The following WNT3A variants were observed in gnomAD, a reference collection of about 807,000 sequenced individuals.
The protein encoded by WNT3A is Wnt family member 3A.
In WNT3A, 17 loss-of-function variants were observed where a neutral mutation model predicts 37.0. The ratio of observed to expected loss-of-function variants is 0.46; its 90% CI spans 0.31 to 0.69. WNT3A has a LOEUF of 0.69. Ranked by LOEUF, WNT3A falls within the 30% of genes least tolerant of loss-of-function variation. WNT3A has a pLI of 0.05. For synonymous variants in WNT3A, 187 were observed against 211.0 expected, an observed-to-expected ratio of 0.89 and a Z score of 0.99; for missense variants, 411 against 510.2, an observed-to-expected ratio of 0.81 and a Z score of 1.87.
chr1:228,060,193 C>G lies in WNT3A; in HGVS notation c.*728C>G. ...AACCGCCCTCCTGATTAAGGCGTGG[C>G]TTCTGCAGGAATCCCGGCTCCAGAG... is the stretch of plus-strand genomic sequence containing the variant. On this transcript the variant is annotated 3_prime_UTR_variant, in exon 4 of 4. Transcript: ENST00000284523. 7.4e-7 allele frequency: 1 copy of G among 1,351,710 alleles called. No individual in the cohort carries two copies. Among genetic ancestry groups the G allele is most frequent in the African/African-American group, 1.5e-5 (1 of 67,818 alleles). 83.7% of individuals were successfully genotyped at this position (1,351,710 alleles called of 1,614,324 possible).
intron 1 of WNT3A, among the ~76,000 whole-genome samples, chr1:228,021,525 G>A (rs758745924): frequency 4.6e-5 from 7 of 152,220 alleles, no homozygotes; most frequent in South Asian, 4.2e-4. Context: ...CCATGCCTTC[G>A]GGTTTCTGAG....
intron 2 of WNT3A, among the ~76,000 whole-genome samples, chr1:228,041,269 C>G (rs1363162387): frequency 6.6e-6 from 1 of 152,170 alleles, no homozygotes; most frequent in Non-Finnish European, 1.5e-5. Context: ...CATCTGACAA[C>G]TGCACTGCCC....
Position 228,043,013 on chromosome 1 carries a change from AGATG to A in WNT3A, c.314-7618_314-7615del, listed in dbSNP as rs537700236. Reference sequence around the variant, plus strand: ...AGAGGATGTATGATAGGTAATGGATAGATGGATGGATGGATGGATGGATGGATGA... The same window carrying A: ...AGAGGATGTATGATAGGTAATGGATAGATGGATGGATGGATGGATGGATGA... On this transcript the variant is annotated intron_variant, in intron 2 of 3. Transcript: ENST00000284523. Among the ~76,000 whole-genome samples, 943 of 149,728 alleles carry A rather than the reference AGATG, an allele frequency of 6.3e-3. 11 individuals carry two copies. The highest frequency in any genetic ancestry group is 0.022 in the African/African-American group (876 of 40,594).
At chr1:228,012,444 A>G (rs892007904) in intron 1 of WNT3A, among the ~76,000 whole-genome samples, 1 of 152,230 alleles carries the variant, frequency 6.6e-6, no homozygotes, top group Non-Finnish European at 1.5e-5. Flanking sequence ...AATAATGGAA[A>G]TTTAAAAACA....
chr1:228,060,391 G>T lies in WNT3A; in HGVS notation c.*926G>T. 9.6e-7 allele frequency: 1 copy of T among 1,038,126 alleles called. No homozygotes were observed. Among genetic ancestry groups the T allele is most frequent in the Non-Finnish European group, 1.3e-6 (1 of 756,822 alleles). The allele number at this position is 1,038,126 out of a possible 1,614,324, so 64.3% of individuals were successfully genotyped here. A position where few individuals can be genotyped will look rare whatever the true frequency, so the allele number is the denominator to read the frequency against. ...TTTGGAATGCTCCAGGCGCGCCGAC[G>T]CCTGTGCCACCCCTTCCTCAGCCTG... On this transcript the variant is annotated 3_prime_UTR_variant, in exon 4 of 4. Transcript: ENST00000284523.
chr1:228,009,845 C>G (rs1361937165), intron 1 of WNT3A, among the ~76,000 whole-genome samples: 1 of 152,192 alleles, frequency 6.6e-6, no homozygotes, highest in Non-Finnish European at 1.5e-5. Context: ...GGCTGGGTGG[C>G]CCAGAGGTGT....
At position 228,031,958 on chromosome 1, in the gene WNT3A, G is replaced by T. The variant is rs2031021262; in HGVS notation, c.313+9050G>T. On this transcript the variant is annotated intron_variant, in intron 2 of 3. Coordinates refer to ENST00000284523, the MANE Select transcript of WNT3A (RefSeq NM_033131.4). This position sits in a 1 kb window ranked among gnomAD's most constrained non-coding sequence, Gnocchi z 4.8. ...ATTTTAGGAAGAAAGCAGGAAGCCT[G>T]TCCTGCTTGGAGCCATACCAGGTGA... 6.6e-6 allele frequency among the ~76,000 whole-genome samples: 1 copy of T among 152,192 alleles called. No individual in the cohort carries two copies. The highest frequency in any genetic ancestry group is 2.4e-5 in the African/African-American group (1 of 41,436).
chr1:228,059,277 G>T lies in WNT3A; in HGVS notation c.871G>T (p.Gly291Cys). Residue 291 changes from glycine (G) to cysteine (C), a missense_variant, in exon 4 of 4, where the codon GGC (glycine) becomes TGC (cysteine). Coordinates refer to ENST00000284523, the MANE Select transcript of WNT3A (RefSeq NM_033131.4). Reference protein sequence around the residue: ...CEPNPETGSFGTRDRTCNVSS... With the variant: ...CEPNPETGSFCTRDRTCNVSS... ...GCCCAACCCTGAGACGGGCTCCTTC[G>T]GCACGCGCGACCGCACCTGCAACGT... 5 of 1,597,176 alleles carry T rather than the reference G, an allele frequency of 3.1e-6. No homozygotes were observed. Among genetic ancestry groups the T allele is most frequent in the Non-Finnish European group, 4.3e-6 (5 of 1,175,470 alleles).
chr1:228,020,281 G>A (rs1024918891), intron 1 of WNT3A, among the ~76,000 whole-genome samples: 2 of 152,218 alleles, frequency 1.3e-5, no homozygotes, highest in African/African-American at 4.8e-5. Flanking sequence ...TTGGTCTCCC[G>A]GCCTCACCCA....
intron 1 of WNT3A, among the ~76,000 whole-genome samples, chr1:228,016,597 A>T (rs1311174428): frequency 1.3e-5 from 2 of 152,154 alleles, no homozygotes; most frequent in Non-Finnish European, 2.9e-5. Flanking sequence ...TCTCTGACTC[A>T]TTTATAAATG....
Position 228,059,609 on chromosome 1 carries a change from G to A in WNT3A, c.*144G>A, listed in dbSNP as rs967580522. The A allele has an allele frequency of 2.4e-5, 34 of 1,390,122 alleles. No homozygotes were observed. Among genetic ancestry groups the A allele is most frequent in the Non-Finnish European group, 3.1e-5 (34 of 1,080,114 alleles). 86.1% of individuals were successfully genotyped at this position (1,390,122 alleles called of 1,614,324 possible). On this transcript the variant is annotated 3_prime_UTR_variant, in exon 4 of 4. Transcript: ENST00000284523. ...CCCTGGGGGTGGGGCTCCTACCTGG[G>A]GGCAGAACTCCTACCTGAAGGCAGG...
intron 1 of WNT3A, among the ~76,000 whole-genome samples, chr1:228,009,986 C>T (rs886118527): frequency 6.6e-5 from 10 of 152,290 alleles, no homozygotes; most frequent in Non-Finnish European, 2.9e-5. Flanking sequence ...CTGAGCTCAT[C>T]CAGTGACAGA....
intron 2 of WNT3A, among the ~76,000 whole-genome samples, chr1:228,033,730 G>C (rs528534891): frequency 6.6e-6 from 1 of 152,168 alleles, no homozygotes; most frequent in African/African-American, 2.4e-5. Flanking sequence ...TGTGTTGAAT[G>C]TGTAGATCGG....
rs1369118290 is a variant in WNT3A at position 228,050,638 on chromosome 1, T to C, written c.314-18T>C. The C allele has an allele frequency of 6.3e-7, 1 of 1,576,536 alleles. No homozygotes were observed. Among genetic ancestry groups the C allele is most frequent in the Non-Finnish European group, 8.6e-7 (1 of 1,157,858 alleles). ...TGAGCTGAGCCCTGTTAACCCTGCA[T>C]CTCTCCTCTCTCTACAGCTACCAGG... On this transcript the variant is annotated intron_variant, in intron 2 of 3. Transcript: ENST00000284523. This position sits in a 1 kb window ranked among gnomAD's most constrained non-coding sequence, Gnocchi z 5.0.
intron 1 of WNT3A, among the ~76,000 whole-genome samples, chr1:228,022,351 A>G (rs928803927): frequency 2.0e-5 from 3 of 152,076 alleles, no homozygotes; most frequent in Non-Finnish European, 4.4e-5. Context: ...AGTCCCAGCT[A>G]ATCTGGAGGC....
At chr1:228,046,607 A>ATG (rs1156852168) in intron 2 of WNT3A, among the ~76,000 whole-genome samples, 2 of 144,018 alleles carry the variant, frequency 1.4e-5, no homozygotes, top group Admixed American at 1.4e-4. Flanking sequence ...ATGTGCATGC[A>ATG]TGTGTGTGCA....
intron 1 of WNT3A, among the ~76,000 whole-genome samples, chr1:228,021,456 C>T (rs1002846794): frequency 5.9e-5 from 9 of 152,104 alleles, no homozygotes; most frequent in African/African-American, 1.9e-4. Flanking sequence ...CTGGGGGATG[C>T]GGAGGGCCCC....
At chr1:228,040,578 C>A (rs1354049443) in intron 2 of WNT3A, among the ~76,000 whole-genome samples, 2 of 152,070 alleles carry the variant, frequency 1.3e-5, no homozygotes, top group African/African-American at 4.8e-5. Flanking sequence ...AAATGTTGTT[C>A]AACGTTTAAG....
In WNT3A at chr1:228,050,939, A is replaced by C; in HGVS notation, c.579+18A>C. On this transcript the variant is annotated intron_variant, in intron 3 of 3. Coordinates refer to ENST00000284523, the MANE Select transcript of WNT3A (RefSeq NM_033131.4). The surrounding 1 kb of genome is among the most constrained non-coding windows in gnomAD (Gnocchi z 5.0). ...GGCGCCAGGTAGGTTCGCCGCCCGC[A>C]AGGGTGCTTGGGAAAAAGGAGCCTC... The C allele has an allele frequency of 6.6e-7, 1 of 1,517,606 alleles. No individual in the cohort carries two copies. Among genetic ancestry groups the C allele is most frequent in the Non-Finnish European group, 8.8e-7 (1 of 1,133,980 alleles). 94.0% of individuals were successfully genotyped at this position (1,517,606 alleles called of 1,614,324 possible). A position where few individuals can be genotyped will look rare whatever the true frequency, so the allele number is the denominator to read the frequency against.
Sources: allele counts gnomAD v4.1 joint callset (sites outside exome capture counted in the v4.1 genomes callset), GRCh38; gene constraint gnomAD v4.1.1; non-coding constraint Gnocchi (gnomAD v3.1); transcripts MANE v1.5; gene names NCBI Gene and HGNC (gene_info 2026-07-23, HGNC 2026-07-21).